Variants in COL4A3 observed in about 807,000 individuals in gnomAD.
COL4A3 encodes the protein collagen alpha-3(IV) chain.
In COL4A3, 135 loss-of-function variants were observed where a neutral mutation model predicts 217.4. The observed-to-expected ratio is 0.62, with a 90% CI of 0.54 to 0.72. The LOEUF (loss-of-function observed/expected upper bound fraction) is 0.72, where lower values mean the gene tolerates loss of function less well. COL4A3 is among the 30% of genes least tolerant of loss of function. The probability of loss-of-function intolerance (pLI) is 0.00; values close to 1 mark genes in which losing one functional copy is unlikely to be tolerated. For synonymous variants in COL4A3, 690 were observed against 736.3 expected (o/e 0.94, Z 1.02); for missense variants, 1,868 against 2,119.9 (o/e 0.88, Z 2.33).
intron 1 of COL4A3, among the ~76,000 whole-genome samples, chr2:227,180,888 A>G (rs2065848973): frequency 6.6e-6 from 1 of 152,212 alleles, no homozygotes; most frequent in African/African-American, 2.4e-5. Context: ...GGAATGCATT[A>G]AGGAGTTTCT....
intron 18 of COL4A3, among the ~76,000 whole-genome samples, chr2:227,257,934 A>G (rs540041655): frequency 7.1e-4 from 108 of 152,348 alleles, no homozygotes; most frequent in African/African-American, 2.3e-3. Flanking sequence ...CCTTCAGGGT[A>G]GAGGACAGTG....
chr2:227,221,446 TC>T (rs1231953135), intron 1 of COL4A3: 268 of 47,964 alleles, frequency 5.6e-3, no homozygotes, highest in African/African-American at 1.0e-2. Context: ...TTTTTTTTTT[TC>T]GCATTCATCC....
In COL4A3 at chr2:227,271,461, ATTTTTTTTTTTT is replaced by A. The variant is rs397988092; in HGVS notation, c.1758+526_1758+537del. ...TTTAATTGAGGTAATACCTACCAAG[ATTTTTTTTTTTT>A]TTTTTTTTTTTTTTTTGAGAGGGAG... is the stretch of plus-strand genomic sequence containing the variant. On this transcript the variant is annotated intron_variant, in intron 25 of 51. Transcript: ENST00000396578. Among the ~76,000 whole-genome samples, 248 of 104,704 alleles carry A rather than the reference ATTTTTTTTTTTT, an allele frequency of 2.4e-3. 2 individuals are homozygous for A. Among genetic ancestry groups the A allele is most frequent in the African/African-American group, 9.0e-3 (236 of 26,332 alleles). The allele number at this position is 104,704 out of a possible 152,430, so 68.7% of individuals were successfully genotyped here.
rs1486764315 is a variant in COL4A3 at position 227,259,889 on chromosome 2, T to A, written c.1114+12T>A. 1 of 1,599,838 alleles carries A rather than the reference T, an allele frequency of 6.3e-7. No homozygotes were observed. Among genetic ancestry groups the A allele is most frequent in the Non-Finnish European group, 8.6e-7 (1 of 1,166,864 alleles). On this transcript the variant is annotated intron_variant, in intron 19 of 51. Transcript: ENST00000396578. ...TCGTGGCCCACAAGGTAAGAATAAA[T>A]TTCTTCCTAAAGCATTTGCTGAACA...
At position 227,213,678 on chromosome 2, in the gene COL4A3, C is replaced by T. The variant is rs562125164; in HGVS notation, c.88-24290C>T. Among the ~76,000 whole-genome samples the T allele has an allele frequency of 2.0e-4, 30 of 152,020 alleles. No homozygotes were observed. In the East Asian group the frequency reaches 4.3e-3, roughly 22 times the overall value. On this transcript the variant is annotated intron_variant, in intron 1 of 51. Coordinates refer to ENST00000396578, the MANE Select transcript of COL4A3 (RefSeq NM_000091.5). ...CAGCACTTTGGGAGGCCGAGGTAGG[C>T]GGATCACAAGGTCAGGAGATCAAGA...
Position 227,164,705 on chromosome 2 carries a change from AG to A in COL4A3, c.-20del. 1 of 1,529,698 alleles carries A rather than the reference AG, an allele frequency of 6.5e-7. No homozygotes were observed. The allele number at this position is 1,529,698 out of a possible 1,614,324, so 94.8% of individuals were successfully genotyped here. ...AGCCTGAGGGTCCCCGGACTCGCCC[AG>A]GCTCTGAGCGCGCGCCCACCATGAG... On this transcript the variant is annotated 5_prime_UTR_variant, in exon 1 of 52. Coordinates refer to ENST00000396578, the MANE Select transcript of COL4A3 (RefSeq NM_000091.5). The surrounding 1 kb of genome is among the most constrained non-coding windows in gnomAD (Gnocchi z 4.8).
intron 25 of COL4A3, among the ~76,000 whole-genome samples, chr2:227,272,331 G>T (rs929301793): frequency 5.3e-5 from 8 of 152,118 alleles, no homozygotes; most frequent in African/African-American, 1.7e-4. Flanking sequence ...CATTAAAAAA[G>T]GAGACAGACC....
intron 1 of COL4A3, among the ~76,000 whole-genome samples, chr2:227,234,958 T>C (rs960164854): frequency 2.0e-5 from 3 of 152,186 alleles, no homozygotes; most frequent in East Asian, 1.9e-4. Flanking sequence ...GAGGTGATCA[T>C]TGCCCATTTG....
Position 227,313,063 on chromosome 2 carries a change from T to C in COL4A3, c.*1193T>C, listed in dbSNP as rs771150819. 4 of 152,632 alleles carry C rather than the reference T, an allele frequency of 2.6e-5. No individual in the cohort carries two copies. The highest frequency in any genetic ancestry group is 5.9e-5 in the Non-Finnish European group (4 of 68,044). 9.5% of individuals were successfully genotyped at this position (152,632 alleles called of 1,614,324 possible). A position where few individuals can be genotyped will look rare whatever the true frequency, so the allele number is the denominator to read the frequency against. On this transcript the variant is annotated 3_prime_UTR_variant, in exon 52 of 52. Coordinates refer to ENST00000396578, the MANE Select transcript of COL4A3 (RefSeq NM_000091.5). ...GTATGTCTTAAAACCTGCTTTTCAA[T>C]GTGTTGATACATTCCCAAGGTTACT... is the stretch of plus-strand genomic sequence containing the variant.
Position 227,164,926 on chromosome 2 carries a change from A to G in COL4A3, c.87+113A>G. 1 of 1,279,128 alleles carries G rather than the reference A, an allele frequency of 7.8e-7. No individual in the cohort carries two copies. Among genetic ancestry groups the G allele is most frequent in the Admixed American group, 3.4e-5 (1 of 29,364 alleles). The allele number at this position is 1,279,128 out of a possible 1,614,324, so 79.2% of individuals were successfully genotyped here. A position where few individuals can be genotyped will look rare whatever the true frequency, so the allele number is the denominator to read the frequency against. ...GCGGTAGTGGAGCGGCTGCCGGGCT[A>G]GTGGCGAGGCTGAGGGCTTCACGCA... On this transcript the variant is annotated intron_variant, in intron 1 of 51. Coordinates refer to ENST00000396578, the MANE Select transcript of COL4A3 (RefSeq NM_000091.5). The surrounding 1 kb of genome is among the most constrained non-coding windows in gnomAD (Gnocchi z 4.8).
At chr2:227,235,146 T>C (rs2068621632) in intron 1 of COL4A3, among the ~76,000 whole-genome samples, 1 of 110,598 alleles carries the variant, frequency 9.0e-6, no homozygotes, top group Non-Finnish European at 2.3e-5. Flanking sequence ...GAGGGGGCAC[T>C]GAGGACTTGC....
intron 48 of COL4A3, among the ~76,000 whole-genome samples, chr2:227,308,661 G>A (rs997236992): frequency 2.0e-5 from 3 of 152,294 alleles, no homozygotes; most frequent in East Asian, 1.9e-4. Context: ...GTTCTAAATC[G>A]ATTAGAAAGA....
At position 227,273,077 on chromosome 2, in the gene COL4A3, G is replaced by T. The variant is rs201109911; in HGVS notation, c.1887G>T (p.Thr629=). 32 of 1,614,048 alleles carry T rather than the reference G, an allele frequency of 2.0e-5. No homozygotes were observed. The East Asian group carries it at 7.1e-4, about 36-fold the overall frequency. ...GPQGEPGLQG[T]QGVPGAPGPP... ...AAGGAGAACCTGGTCTCCAGGGCAC[G>T]CAAGGAGTTCCTGGAGCCCCCGGAC... is the stretch of plus-strand genomic sequence containing the variant. Residue 629 remains threonine (T), a synonymous_variant, in exon 26 of 52, where the codon ACG becomes ACT. Transcript: ENST00000396578.
rs2073629820 is a variant in COL4A3 at position 227,308,973 on chromosome 2, T to G, written c.4537T>G (p.Phe1513Val). ...LFCNVNDVCN[F>V]ASRNDYSYWL... is the part of the protein sequence containing the mutation. ...CTGCAATGTCAATGATGTATGTAAT[T>G]TTGCATCTCGAAATGATTATTCATA... is the stretch of plus-strand genomic sequence containing the variant. The change falls in exon 49 of 52, where the codon TTT becomes GTT. Residue 1513 changes from phenylalanine to valine, a missense_variant. Phe to Val is a conservative substitution (Grantham distance 50, BLOSUM62 -1). This residue lies in a region of COL4A3 where 1,503 missense variants were observed against 1,786.1 expected (regional missense o/e 0.84). Coordinates refer to ENST00000396578, the MANE Select transcript of COL4A3 (RefSeq NM_000091.5). 2 of 1,614,222 alleles carry G rather than the reference T, an allele frequency of 1.2e-6. No homozygotes were observed.
chr2:227,237,729 A>G (rs2068779144), intron 1 of COL4A3: 1 of 414,998 alleles, frequency 2.4e-6, no homozygotes, highest in Non-Finnish European at 4.6e-6. Flanking sequence ...CCCAAGTACA[A>G]TACAAATGAT....
In COL4A3 at chr2:227,250,245, A is replaced by G. The variant is rs1220952705; in HGVS notation, c.547-895A>G. On this transcript the variant is annotated intron_variant, in intron 9 of 51. Coordinates refer to ENST00000396578, the MANE Select transcript of COL4A3 (RefSeq NM_000091.5). This position sits in a 1 kb window ranked among gnomAD's most constrained non-coding sequence, Gnocchi z 4.1. ...GGAGAATCACTTGAACCCGGGAGGC[A>G]GAGGCTGCAGTGAGCAGAGATCGTA... Among the ~76,000 whole-genome samples the G allele has an allele frequency of 1.3e-5, 2 of 152,112 alleles. No individual in the cohort carries two copies. Among genetic ancestry groups the G allele is most frequent in the Non-Finnish European group, 2.9e-5 (2 of 68,012 alleles).
At chr2:227,245,742 T>C (rs1482146908) in intron 5 of COL4A3, 1 of 615,764 alleles carries the variant, frequency 1.6e-6, no homozygotes. Flanking sequence ...ATTTGAAATA[T>C]CCACATCTCA....
In COL4A3 at chr2:227,267,264, G is replaced by T. The variant is rs541384648; in HGVS notation, c.1504+176G>T. Among the ~76,000 whole-genome samples, 4 of 152,290 alleles carry T rather than the reference G, an allele frequency of 2.6e-5. No individual in the cohort carries two copies. In the South Asian group the frequency reaches 8.3e-4, roughly 32 times the overall value. On this transcript the variant is annotated intron_variant, in intron 23 of 51. Coordinates refer to ENST00000396578, the MANE Select transcript of COL4A3 (RefSeq NM_000091.5). The stretch of plus-strand genomic sequence containing the variant: ...GTCAGCCAAAATCCAAGAAAAGCTG[G>T]TATTTTTCCCTATTCCATTTTAGTT...
At chr2:227,190,110 C>T (rs552798452) in intron 1 of COL4A3, among the ~76,000 whole-genome samples, 19 of 152,312 alleles carry the variant, frequency 1.2e-4, no homozygotes. Flanking sequence ...CTGCATTCAG[C>T]ACATTCCCTG....
Sources: allele counts gnomAD v4.1 joint callset (sites outside exome capture counted in the v4.1 genomes callset), GRCh38; gene constraint gnomAD v4.1.1; regional missense constraint gnomAD v4.1.1; non-coding constraint Gnocchi (gnomAD v3.1); transcripts MANE v1.5; gene names NCBI Gene and HGNC (gene_info 2026-07-23, HGNC 2026-07-21).